SAAL1: variants seen among roughly 807,000 people sequenced by gnomAD.
SAAL1 encodes the protein protein SAAL1.
SAAL1 carries 42 observed loss-of-function variants against 59.8 expected under a neutral mutation model. That is an observed-to-expected ratio of 0.70 (90% confidence interval 0.55 to 0.91). The LOEUF is 0.91. Ranked by LOEUF, SAAL1 falls within the 40% of genes least tolerant of loss-of-function variation. The pLI is 0.00. For missense variants in SAAL1, 542 were observed against 561.1 expected, an observed-to-expected ratio of 0.97 and a Z score of 0.34; for synonymous variants, 191 against 194.3, an observed-to-expected ratio of 0.98 and a Z score of 0.14.
intron 3 of SAAL1, among the ~76,000 whole-genome samples, chr11:18,095,021 CAG>C (rs1487982551): frequency 6.6e-6 from 1 of 152,142 alleles, no homozygotes; most frequent in Non-Finnish European, 1.5e-5. Context: ...TAAAGCTTCT[CAG>C]AGTGTGGCAA....
chr11:18,090,636 A>T, intron 4 of SAAL1, 143 bp from the exon 5 acceptor site: 1 of 885,924 alleles, frequency 1.1e-6, no homozygotes, highest in Non-Finnish European at 1.6e-6. Context: ...TATAGTTAAT[A>T]AATAATTATA....
chr11:18,083,457 TAA>T, intron 10 of SAAL1, 76 bp downstream of exon 10: 2 of 735,986 alleles, frequency 2.7e-6, no homozygotes, highest in Non-Finnish European at 4.2e-6. Flanking sequence ...CTTTCATATT[TAA>T]AAAAAAATAA....
intron 10 of SAAL1, chr11:18,083,332 A>G (rs1848429713): frequency 5.0e-6 from 2 of 398,338 alleles, no homozygotes; most frequent in Non-Finnish European, 8.9e-6. Flanking sequence ...GCATGCAAAC[A>G]TAGGCATATG....
At chr11:18,093,774 T>A (rs138743411) in intron 3 of SAAL1, 6 of 152,268 alleles carry the variant, frequency 3.9e-5, no homozygotes, top group African/African-American at 1.4e-4. Flanking sequence ...TATTCCAAAC[T>A]GCACCTCAGT....
At chr11:18,089,911 A>T (rs1252111799) in intron 6 of SAAL1, among the ~76,000 whole-genome samples, 2 of 152,152 alleles carry the variant, frequency 1.3e-5, no homozygotes, top group East Asian at 3.9e-4. Context: ...TGAGCTGAGC[A>T]TGGCGGTGCA....
chr11:18,085,876 T>C (rs935396422), intron 9 of SAAL1, among the ~76,000 whole-genome samples: 1 of 151,780 alleles, frequency 6.6e-6, no homozygotes, highest in Non-Finnish European at 1.5e-5. Context: ...ACCAAAGTTA[T>C]CAAAGGGGGA....
At chr11:18,093,297 T>C (rs904095045) in intron 3 of SAAL1, among the ~76,000 whole-genome samples, 1 of 152,224 alleles carries the variant, frequency 6.6e-6, no homozygotes, top group Non-Finnish European at 1.5e-5. Context: ...GTAAAAGTTC[T>C]TGACTTCATA....
intron 9 of SAAL1, among the ~76,000 whole-genome samples, chr11:18,086,517 G>A (rs968682645): frequency 6.6e-6 from 1 of 152,044 alleles, no homozygotes; most frequent in African/African-American, 2.4e-5. Context: ...TGGCCAACAC[G>A]GTAAAAACCC....
intron 10 of SAAL1, among the ~76,000 whole-genome samples, chr11:18,081,966 C>CT (rs1307453353): frequency 6.6e-6 from 1 of 152,154 alleles, no homozygotes; most frequent in African/African-American, 2.4e-5. Flanking sequence ...CTCTCTATTG[C>CT]TTTTGGAGTA....
rs772072814 is a variant in SAAL1 at position 18,087,147 on chromosome 11, T to A, written c.849A>T (p.Ala283=). 6.2e-7 allele frequency: 1 copy of A among 1,611,900 alleles called. No individual in the cohort carries two copies. The highest frequency in any genetic ancestry group is 1.1e-5 in the South Asian group (1 of 91,020). Residue 283 remains alanine, a synonymous_variant, in exon 8 of 12, where the codon GCA becomes GCT. Transcript: ENST00000524803. The part of the protein sequence containing the change: ...LLTTVDDGIQ[A]IVHCPDTGKD... ...CATCCCGATAAACCACCTTACCAATTGCTTGAATTCCATCATCCACTGTAG... is the reference window on the plus strand; with the variant it reads ...CATCCCGATAAACCACCTTACCAATAGCTTGAATTCCATCATCCACTGTAG...
chr11:18,087,648 C>G (rs1275206305), intron 7 of SAAL1, among the ~76,000 whole-genome samples: 1 of 152,214 alleles, frequency 6.6e-6, no homozygotes, highest in Non-Finnish European at 1.5e-5. Flanking sequence ...CAGGATTAAC[C>G]TAGCTCCCTA....
At chr11:18,084,162 C>T (rs1352033279) in intron 9 of SAAL1, among the ~76,000 whole-genome samples, 1 of 152,164 alleles carries the variant, frequency 6.6e-6, no homozygotes, top group Non-Finnish European at 1.5e-5. Context: ...TATGGTGAAA[C>T]CGTGTCTTTA....
In SAAL1 at chr11:18,106,046, T is replaced by C. The variant is rs758376722; in HGVS notation, c.-5A>G. 14 of 1,599,122 alleles carry C rather than the reference T, an allele frequency of 8.8e-6. No individual in the cohort carries two copies. The highest frequency in any genetic ancestry group is 5.1e-6 in the Non-Finnish European group (6 of 1,177,402). ...CGGCGAGGGGTTGCGGTCCATGACT[T>C]TGTCGCGTCCCGCGCTTGAAGGCCG... is the stretch of plus-strand genomic sequence containing the variant. On this transcript the variant is annotated 5_prime_UTR_variant, in exon 1 of 12. Transcript: ENST00000524803.
At chr11:18,092,385 T>C (rs2134060413) in intron 3 of SAAL1, 61 bp from the exon 4 acceptor site, 1 of 1,120,692 alleles carries the variant, frequency 8.9e-7, no homozygotes, top group Non-Finnish European at 1.3e-6. Context: ...AACAAAAATA[T>C]CAACTTGAAC....
chr11:18,093,139 A>C lies in SAAL1; in HGVS notation c.334-815T>G, dbSNP rs1354843502. ...TAGTTACTTAGTAGCCATCTTGGCT[A>C]TCAGATCGACCATCGGGATATCTCA... is the stretch of plus-strand genomic sequence containing the variant. On this transcript the variant is annotated intron_variant, in intron 3 of 11. Coordinates refer to ENST00000524803, the MANE Select transcript of SAAL1 (RefSeq NM_138421.3). Among the ~76,000 whole-genome samples, 4 of 152,164 alleles carry C rather than the reference A, an allele frequency of 2.6e-5. No homozygotes were observed. The East Asian group carries it at 7.7e-4, about 29-fold the overall frequency.
At chr11:18,093,716 T>G (rs948181851) in intron 3 of SAAL1, 3 of 152,124 alleles carry the variant, frequency 2.0e-5, no homozygotes, top group Non-Finnish European at 2.9e-5. Flanking sequence ...GATCTTAAGA[T>G]CTCCAACTAG....
intron 9 of SAAL1, among the ~76,000 whole-genome samples, chr11:18,085,147 G>A (rs930401902): frequency 6.6e-6 from 1 of 152,106 alleles, no homozygotes; most frequent in African/African-American, 2.4e-5. Flanking sequence ...AGAAGGTAAG[G>A]ATGTTTTCTA....
chr11:18,088,430 G>A (rs777637292), intron 7 of SAAL1, among the ~76,000 whole-genome samples: 1 of 152,138 alleles, frequency 6.6e-6, no homozygotes, highest in African/African-American at 2.4e-5. Context: ...TGAAAAGACC[G>A]AAGCATGAGA....
intron 4 of SAAL1, among the ~76,000 whole-genome samples, chr11:18,091,632 C>T (rs928349560): frequency 6.6e-6 from 1 of 152,148 alleles, no homozygotes; most frequent in Non-Finnish European, 1.5e-5. Context: ...AAGCCATGAA[C>T]CCTTTGCCTA....
Sources: gnomAD v4.1 joint callset for allele counts (sites outside exome capture counted in the v4.1 genomes callset) on GRCh38, gnomAD v4.1.1 for gene constraint, MANE v1.5 for transcripts, NCBI Gene and HGNC (gene_info 2026-07-23, HGNC 2026-07-21) for gene names.